Variants in AEBP2 observed in about 807,000 individuals in gnomAD.
AEBP2 encodes the protein zinc finger protein AEBP2.
AEBP2 carries 10 observed loss-of-function variants against 50.8 expected under a neutral mutation model. That is an observed-to-expected ratio of 0.20 (90% CI 0.12 to 0.33). AEBP2 has a LOEUF of 0.33. AEBP2 is among the 10% of genes least tolerant of loss of function. The pLI is 1.00. For synonymous variants in AEBP2, 296 were observed against 261.3 expected (o/e 1.13, Z -1.28); for missense variants, 570 against 688.0 (o/e 0.83, Z 1.92).
intron 3 of AEBP2, among the ~76,000 whole-genome samples, chr12:19,486,184 A>G (rs942407755): frequency 6.6e-6 from 1 of 151,894 alleles, no homozygotes; most frequent in Non-Finnish European, 1.5e-5. Flanking sequence ...TTTCTTTCAT[A>G]CTTACTTTAT....
At chr12:19,484,028 CTT>C (rs984693445) in intron 3 of AEBP2, among the ~76,000 whole-genome samples, 12 of 152,038 alleles carry the variant, frequency 7.9e-5, no homozygotes, top group Admixed American at 5.2e-4. Context: ...GATTGTCAAA[CTT>C]TTGGATTTTT....
intron 2 of AEBP2, chr12:19,466,681 A>G (rs1460090734): frequency 2.1e-6 from 1 of 480,490 alleles, no homozygotes; most frequent in Non-Finnish European, 2.7e-6. Flanking sequence ...TAATATAAGT[A>G]GAAAACACCT....
In AEBP2 at chr12:19,409,629, A is replaced by G. The variant is rs537838320; in HGVS notation, c.-17+5413A>G. Among the ~76,000 whole-genome samples, 80 of 152,296 alleles carry G rather than the reference A, an allele frequency of 5.3e-4. 1 individual carries two copies. The highest frequency in any genetic ancestry group is 1.9e-3 in the African/African-American group (78 of 41,576). On this transcript the variant is annotated intron_variant, in intron 1 of 3. Coordinates refer to the AEBP2 transcript ENST00000538425. Reference sequence around the variant, plus strand: ...GATTTTAGTCTTACTTTCTTACTTCACATACATTTTTAAACTGCAGTCTTA... The same window carrying G: ...GATTTTAGTCTTACTTTCTTACTTCGCATACATTTTTAAACTGCAGTCTTA...
At chr12:19,486,081 TAG>T in intron 3 of AEBP2, among the ~76,000 whole-genome samples, 2 of 152,054 alleles carry the variant, frequency 1.3e-5, no homozygotes, top group Middle Eastern at 3.4e-3. Flanking sequence ...ACCATCCTGA[TAG>T]AGAATATTTC....
chr12:19,416,400 CTTTTCTTTTT>C (rs796313053), intron 1 of AEBP2, among the ~76,000 whole-genome samples: 1 of 146,646 alleles, frequency 6.8e-6, no homozygotes, highest in Non-Finnish European at 1.5e-5. Context: ...TCTTAGCTAT[CTTTTCTTTTT>C]TTTTCTTTTT....
chr12:19,509,042 G>T, intron 5 of AEBP2: 1 of 585,164 alleles, frequency 1.7e-6, no homozygotes. Context: ...ATCTGCATGT[G>T]GCATGTGCCC....
intron 2 of AEBP2, among the ~76,000 whole-genome samples, chr12:19,467,475 G>C (rs991988888): frequency 6.6e-6 from 1 of 152,028 alleles, no homozygotes; most frequent in Non-Finnish European, 1.5e-5. Flanking sequence ...TGTATTTTTA[G>C]TAGAGATGGG....
intron 1 of AEBP2, among the ~76,000 whole-genome samples, chr12:19,417,607 C>T (rs1168945260): frequency 6.6e-6 from 1 of 151,890 alleles, no homozygotes; most frequent in African/African-American, 2.4e-5. Context: ...GGGGTTTCTC[C>T]ATGTTGGCCA....
chr12:19,464,583 A>C (rs1948438122), intron 2 of AEBP2, among the ~76,000 whole-genome samples: 1 of 149,988 alleles, frequency 6.7e-6, no homozygotes, highest in Admixed American at 6.6e-5. Context: ...TTTTAAAATT[A>C]ATTAATTAAT....
chr12:19,507,596 A>C (rs964208441), intron 5 of AEBP2, among the ~76,000 whole-genome samples: 2 of 152,192 alleles, frequency 1.3e-5, no homozygotes, highest in African/African-American at 4.8e-5. Context: ...CTTAAGTCAC[A>C]GTGAGGAGGC....
intron 1 of AEBP2, among the ~76,000 whole-genome samples, chr12:19,458,354 G>A (rs1044099591): frequency 6.6e-6 from 1 of 152,184 alleles, no homozygotes; most frequent in East Asian, 1.9e-4. Context: ...GGGTTGTGAA[G>A]CAGAACTTCT....
At chr12:19,474,708 T>C (rs1948622144) in intron 3 of AEBP2, among the ~76,000 whole-genome samples, 1 of 152,158 alleles carries the variant, frequency 6.6e-6, no homozygotes, top group South Asian at 2.1e-4. Context: ...TTCTATATAC[T>C]TGTTTTTCTA....
intron 4 of AEBP2, 75 bp downstream of exon 4, chr12:19,494,061 T>G: frequency 7.1e-7 from 1 of 1,404,202 alleles, no homozygotes; most frequent in East Asian, 2.5e-5. Flanking sequence ...GCAAATCCAC[T>G]TTGAACTTCA....
intron 2 of AEBP2, among the ~76,000 whole-genome samples, chr12:19,466,564 C>G (rs574027382): frequency 1.3e-5 from 2 of 152,300 alleles, no homozygotes; most frequent in African/African-American, 4.8e-5. Context: ...ATTATCATCC[C>G]AAATTGAAAT....
chr12:19,455,677 T>G (rs1422271920), intron 1 of AEBP2, among the ~76,000 whole-genome samples: 1 of 152,190 alleles, frequency 6.6e-6, no homozygotes, highest in Non-Finnish European at 1.5e-5. Flanking sequence ...ACCATTTTTA[T>G]AAAATCATAC....
At chr12:19,488,560 T>A (rs555973947) in intron 3 of AEBP2, among the ~76,000 whole-genome samples, 1 of 152,134 alleles carries the variant, frequency 6.6e-6, no homozygotes, top group Non-Finnish European at 1.5e-5. Flanking sequence ...TTTTTGGAAT[T>A]TTTCTTCCTT....
At position 19,521,521 on chromosome 12, in the gene AEBP2, A is replaced by T. The variant is rs1592793461; in HGVS notation, c.*3404A>T. 2 of 152,110 alleles carry T rather than the reference A, an allele frequency of 1.3e-5. No individual in the cohort carries two copies. The highest frequency in any genetic ancestry group is 4.1e-4 in the South Asian group (2 of 4,836). 9.4% of individuals were successfully genotyped at this position (152,110 alleles called of 1,614,324 possible). Reference sequence around the variant, plus strand: ...AGGTGGAAATAGTGTAAAATTTAAAATTTTTTATATTTCTAATAAACTTTT... The same window carrying T: ...AGGTGGAAATAGTGTAAAATTTAAATTTTTTTATATTTCTAATAAACTTTT... On this transcript the variant is annotated 3_prime_UTR_variant, in exon 8 of 8. Coordinates refer to ENST00000266508, the MANE Select transcript of AEBP2 (RefSeq NM_153207.5).
At chr12:19,512,000 A>G (rs950520248) in intron 5 of AEBP2, among the ~76,000 whole-genome samples, 3 of 152,064 alleles carry the variant, frequency 2.0e-5, no homozygotes, top group Non-Finnish European at 2.9e-5. Context: ...CTTCCAGGGT[A>G]TGAACACTTA....
chr12:19,487,706 A>AC (rs965954085), intron 3 of AEBP2, among the ~76,000 whole-genome samples: 16 of 151,844 alleles, frequency 1.1e-4, no homozygotes, highest in Non-Finnish European at 1.9e-4. Flanking sequence ...AGAGAGCGAG[A>AC]CCCCACCTTA....
Sources: allele counts gnomAD v4.1 joint callset (sites outside exome capture counted in the v4.1 genomes callset), GRCh38; gene constraint gnomAD v4.1.1; transcripts MANE v1.5; gene names NCBI Gene and HGNC (gene_info 2026-07-23, HGNC 2026-07-21).